GRIK3: variants seen among roughly 807,000 people sequenced by gnomAD.
GRIK3 encodes the protein glutamate ionotropic receptor kainate type subunit 3, also known as glutamate receptor ionotropic, kainate 3.
Under a neutral mutation model 102.5 loss-of-function variants are expected in GRIK3, and 29 were observed. The observed-to-expected ratio is 0.28, with a 90% CI of 0.21 to 0.39. The LOEUF (loss-of-function observed/expected upper bound fraction) is 0.39. GRIK3 is among the 10% of genes least tolerant of loss of function. GRIK3 has a pLI of 1.00. For synonymous variants in GRIK3, 511 were observed against 504.9 expected (o/e 1.01, Z -0.16); for missense variants, 908 against 1,252.4 (o/e 0.73, Z 4.15).
At chr1:36,957,467 G>GC (rs1557440390) in intron 1 of GRIK3, among the ~76,000 whole-genome samples, 1 of 118,210 alleles carries the variant, frequency 8.5e-6, no homozygotes, top group African/African-American at 3.1e-5. Context: ...GAGCCTATGT[G>GC]CTCTGTGAGT....
chr1:36,850,252 G>C lies in GRIK3; in HGVS notation c.1326+59C>G, dbSNP rs970236119. 3 of 1,096,978 alleles carry C rather than the reference G, an allele frequency of 2.7e-6. No homozygotes were observed. The highest frequency in any genetic ancestry group is 2.3e-5 in the East Asian group (1 of 42,580). 68.0% of individuals were successfully genotyped at this position (1,096,978 alleles called of 1,614,324 possible). A position where few individuals can be genotyped will look rare whatever the true frequency, so the allele number is the denominator to read the frequency against. ...GGGGATAGAGGGGACTCTCCAGCCC[G>C]AACGGCCACCCCACCCCCAGGTCGG... On this transcript the variant is annotated intron_variant, in intron 9 of 15. Coordinates refer to ENST00000373091, the MANE Select transcript of GRIK3 (RefSeq NM_000831.4). This position sits in a 1 kb window ranked among gnomAD's most constrained non-coding sequence, Gnocchi z 4.0.
chr1:36,856,875 C>T (rs1640658727), intron 7 of GRIK3, among the ~76,000 whole-genome samples: 2 of 152,056 alleles, frequency 1.3e-5, no homozygotes, highest in Non-Finnish European at 2.9e-5. Context: ...AACAATGTGG[C>T]CTGGAGACCT....
chr1:36,985,153 G>A (rs183291376), intron 1 of GRIK3, among the ~76,000 whole-genome samples: 37 of 152,284 alleles, frequency 2.4e-4, no homozygotes, highest in African/African-American at 7.9e-4. Context: ...CAAAGAAGAG[G>A]GGGTGGGAGA....
chr1:36,833,709 C>T (rs915264130), intron 10 of GRIK3, among the ~76,000 whole-genome samples: 9 of 152,250 alleles, frequency 5.9e-5, no homozygotes, highest in Non-Finnish European at 1.3e-4. Flanking sequence ...TCTTTGATAA[C>T]AGATCTTCCC....
intron 7 of GRIK3, 57 bp from the exon 8 acceptor site, chr1:36,853,779 T>C: frequency 1.1e-6 from 1 of 900,626 alleles, no homozygotes; most frequent in Non-Finnish European, 1.9e-6. Flanking sequence ...CATCATTCGG[T>C]ACAACTGTAC....
intron 1 of GRIK3, among the ~76,000 whole-genome samples, chr1:36,936,363 A>T (rs895710313): frequency 6.6e-6 from 1 of 152,222 alleles, no homozygotes; most frequent in African/African-American, 2.4e-5. Context: ...TTTTCCAAAG[A>T]TGGAGTCTAG....
intron 10 of GRIK3, among the ~76,000 whole-genome samples, chr1:36,840,951 G>A (rs546814842): frequency 6.6e-6 from 1 of 152,290 alleles, no homozygotes; most frequent in African/African-American, 2.4e-5. Flanking sequence ...GCGTGAGGAA[G>A]GGGTGTCAAC....
chr1:36,940,406 G>A (rs2124322792), intron 1 of GRIK3, among the ~76,000 whole-genome samples: 1 of 152,328 alleles, frequency 6.6e-6, no homozygotes, highest in South Asian at 2.1e-4. Flanking sequence ...ATGTCTTGCT[G>A]TCTTAGGGAC....
chr1:37,015,942 C>T (rs559682093), intron 1 of GRIK3, among the ~76,000 whole-genome samples: 1 of 152,366 alleles, frequency 6.6e-6, no homozygotes, highest in East Asian at 1.9e-4. Flanking sequence ...TGTCCACACA[C>T]CTCAAAGACA....
intron 1 of GRIK3, among the ~76,000 whole-genome samples, chr1:36,974,912 A>G (rs920604381): frequency 6.6e-5 from 10 of 152,326 alleles, no homozygotes; most frequent in Admixed American, 5.2e-4. Flanking sequence ...CAAATATTGT[A>G]TTTATTCCAC....
At chr1:37,012,298 A>G (rs1443134612) in intron 1 of GRIK3, among the ~76,000 whole-genome samples, 1 of 152,246 alleles carries the variant, frequency 6.6e-6, no homozygotes, top group Non-Finnish European at 1.5e-5. Flanking sequence ...TGCGACAAGC[A>G]GGGCCAGGCA....
At chr1:36,843,123 T>C (rs1640479747) in intron 9 of GRIK3, among the ~76,000 whole-genome samples, 1 of 152,260 alleles carries the variant, frequency 6.6e-6, no homozygotes, top group Admixed American at 6.5e-5. Flanking sequence ...AAAGAATAAC[T>C]GGGAGAAGAG....
intron 1 of GRIK3, among the ~76,000 whole-genome samples, chr1:36,928,132 T>C (rs3753767): frequency 0.013 from 1,973 of 152,042 alleles, 60 homozygotes; most frequent in East Asian, 0.1. Flanking sequence ...CCTTGGGTCA[T>C]CTCTGAGGCT....
intron 1 of GRIK3, among the ~76,000 whole-genome samples, chr1:36,952,734 ACT>A (rs1414463561): frequency 6.6e-6 from 1 of 152,224 alleles, no homozygotes; most frequent in East Asian, 1.9e-4. Flanking sequence ...TGAATAAATG[ACT>A]ATTCCATTGT....
chr1:36,950,703 G>A (rs1046556186), intron 1 of GRIK3, among the ~76,000 whole-genome samples: 13 of 152,356 alleles, frequency 8.5e-5, no homozygotes, highest in African/African-American at 2.6e-4. Flanking sequence ...GGCTACATGC[G>A]ATTTATCTGT....
intron 13 of GRIK3, among the ~76,000 whole-genome samples, chr1:36,811,505 A>C (rs1642562335): frequency 6.6e-6 from 1 of 152,216 alleles, no homozygotes. Flanking sequence ...ACCAGTTTGC[A>C]ACAATAAACA....
At chr1:36,906,703 C>T (rs922738735) in intron 1 of GRIK3, among the ~76,000 whole-genome samples, 1 of 152,112 alleles carries the variant, frequency 6.6e-6, no homozygotes, top group Non-Finnish European at 1.5e-5. Context: ...CGCTGGCAGC[C>T]GCAGACAATG....
chr1:37,026,803 C>T (rs1401278365), intron 1 of GRIK3, among the ~76,000 whole-genome samples: 1 of 152,072 alleles, frequency 6.6e-6, no homozygotes, highest in Non-Finnish European at 1.5e-5. Context: ...AGACCCAAGA[C>T]ATGCCATTCT....
chr1:36,899,224 T>G lies in GRIK3; in HGVS notation c.116-8128A>C, dbSNP rs185617936. ...AAAAACTGTATATCAAAAGACACTA[T>G]TAACAGAGTAAAATGCAACCTATAG... On this transcript the variant is annotated intron_variant, in intron 1 of 15. Transcript: ENST00000373091. 2.0e-5 allele frequency among the ~76,000 whole-genome samples: 3 copies of G among 152,244 alleles called. No homozygotes were observed. The East Asian group carries it at 5.8e-4, about 29-fold the overall frequency.
Sources: gnomAD v4.1 joint callset for allele counts (sites outside exome capture counted in the v4.1 genomes callset) on GRCh38, gnomAD v4.1.1 for gene constraint, Gnocchi (gnomAD v3.1) non-coding constraint, MANE v1.5 for transcripts, NCBI Gene and HGNC (gene_info 2026-07-23, HGNC 2026-07-21) for gene names.